LPP: variants seen among roughly 807,000 people sequenced by gnomAD.
LPP encodes lipoma-preferred partner.
LPP carries 38 observed loss-of-function variants against 60.4 expected under a neutral mutation model. The observed-to-expected ratio is 0.63, with a 90% confidence interval of 0.49 to 0.83. The LOEUF (loss-of-function observed/expected upper bound fraction) is 0.83, where lower values mean the gene tolerates loss of function less well. LPP is among the 40% of genes least tolerant of loss of function. The probability of loss-of-function intolerance (pLI) is 0.00; values close to 1 mark genes in which losing one functional copy is unlikely to be tolerated. For missense variants in LPP, 902 were observed against 783.6 expected, an observed-to-expected ratio of 1.15 and a Z score of -1.80; for synonymous variants, 328 against 290.8, an observed-to-expected ratio of 1.13 and a Z score of -1.30.
chr3:188,863,480 TC>T (rs1296407572), intron 9 of LPP, among the ~76,000 whole-genome samples: 1 of 152,138 alleles, frequency 6.6e-6, no homozygotes, highest in African/African-American at 2.4e-5. Flanking sequence ...GTCTGCCTGC[TC>T]ACCTGTGGAA....
chr3:188,269,110 T>G (rs970019323), intron 2 of LPP, among the ~76,000 whole-genome samples: 3 of 152,222 alleles, frequency 2.0e-5, no homozygotes, highest in Non-Finnish European at 2.9e-5. Context: ...ATAACAAAGC[T>G]GGTTTGTGGG....
chr3:188,462,542 CTTTATATATATATATATATATATA>C (rs1326332097), intron 4 of LPP, among the ~76,000 whole-genome samples: 14 of 64,286 alleles, frequency 2.2e-4, no homozygotes, highest in African/African-American at 7.2e-4. Context: ...TTTATATGAG[CTTTATATATATATATATATATATA>C]TATATATATA....
chr3:188,193,699 G>A (rs149086854), intron 1 of LPP, among the ~76,000 whole-genome samples: 57 of 152,262 alleles, frequency 3.7e-4, no homozygotes, highest in African/African-American at 1.2e-3. Flanking sequence ...TAAGAACTTC[G>A]CTGGCTATGG....
chr3:188,197,822 G>A (rs754117816), intron 1 of LPP, among the ~76,000 whole-genome samples: 17 of 152,274 alleles, frequency 1.1e-4, no homozygotes, highest in African/African-American at 3.4e-4. Context: ...GTGCAACCCC[G>A]TTATGTCTGG....
At chr3:188,582,137 T>G (rs929614758) in intron 6 of LPP, among the ~76,000 whole-genome samples, 29 of 149,228 alleles carry the variant, frequency 1.9e-4, no homozygotes, top group African/African-American at 6.7e-4. Flanking sequence ...TGAATGTCGT[T>G]TTACCTTTTT....
At chr3:188,513,222 A>G (rs1247044483) in intron 5 of LPP, among the ~76,000 whole-genome samples, 1 of 152,222 alleles carries the variant, frequency 6.6e-6, no homozygotes, top group Non-Finnish European at 1.5e-5. Flanking sequence ...AGTTCAGAAA[A>G]GACAGTTCAT....
intron 9 of LPP, among the ~76,000 whole-genome samples, chr3:188,855,252 T>C (rs1299823853): frequency 6.6e-6 from 1 of 152,246 alleles, no homozygotes; most frequent in East Asian, 1.9e-4. Flanking sequence ...CCTTAGATTT[T>C]AGGTTATTTA....
intron 6 of LPP, among the ~76,000 whole-genome samples, chr3:188,581,795 C>T (rs1836223413): frequency 6.6e-6 from 1 of 152,188 alleles, no homozygotes; most frequent in African/African-American, 2.4e-5. Context: ...CACTCTCTCT[C>T]ATTCAGGTAA....
chr3:188,640,079 T>A (rs1849738415), intron 7 of LPP, among the ~76,000 whole-genome samples: 1 of 151,702 alleles, frequency 6.6e-6, no homozygotes. Context: ...GTATGTTTAT[T>A]GCAGCATTAT....
chr3:188,326,834 T>A (rs2150448562), intron 2 of LPP, among the ~76,000 whole-genome samples: 1 of 152,310 alleles, frequency 6.6e-6, no homozygotes, highest in Middle Eastern at 3.4e-3. Flanking sequence ...ATTCTATTCT[T>A]AGTATTGTGA....
chr3:188,713,113 G>A (rs748339298), intron 8 of LPP, among the ~76,000 whole-genome samples: 13 of 152,162 alleles, frequency 8.5e-5, no homozygotes, highest in Non-Finnish European at 1.8e-4. Flanking sequence ...CTTAAACCAA[G>A]TAATGAAATT....
At chr3:188,465,531 T>C (rs1343853739) in intron 4 of LPP, among the ~76,000 whole-genome samples, 2 of 152,198 alleles carry the variant, frequency 1.3e-5, no homozygotes, top group African/African-American at 4.8e-5. Flanking sequence ...TTCCAAAGAA[T>C]GTGTGTGTCG....
intron 5 of LPP, among the ~76,000 whole-genome samples, chr3:188,522,784 A>AATATATATATATATATATAT (rs61033243): frequency 1.4e-4 from 18 of 125,302 alleles, no homozygotes; most frequent in East Asian, 6.9e-4. Context: ...GATAATATGA[A>AATATATATATATATATATAT]ATATATATAT....
At chr3:188,595,503 C>T (rs1206094146) in intron 6 of LPP, among the ~76,000 whole-genome samples, 3 of 152,134 alleles carry the variant, frequency 2.0e-5, no homozygotes, top group African/African-American at 7.2e-5. Context: ...AGCTTGGTCA[C>T]CTTGTACCAT....
intron 3 of LPP, among the ~76,000 whole-genome samples, chr3:188,357,067 G>A (rs779961317): frequency 5.3e-5 from 8 of 151,980 alleles, no homozygotes; most frequent in Admixed American, 1.3e-4. Context: ...GGTTCTCTTC[G>A]CATGGCCTAT....
At chr3:188,334,368 T>C (rs973191366) in intron 2 of LPP, among the ~76,000 whole-genome samples, 4 of 152,030 alleles carry the variant, frequency 2.6e-5, no homozygotes, top group African/African-American at 9.7e-5. Flanking sequence ...TTTTTTTTTT[T>C]TCCTTTGGAT....
At chr3:188,185,976 A>G (rs1046570926) in intron 1 of LPP, among the ~76,000 whole-genome samples, 2 of 152,226 alleles carry the variant, frequency 1.3e-5, no homozygotes, top group African/African-American at 4.8e-5. Flanking sequence ...CCCTGGCTTT[A>G]GAAACCTGAG....
At chr3:188,240,572 C>T (rs1724046169) in intron 2 of LPP, among the ~76,000 whole-genome samples, 1 of 152,130 alleles carries the variant, frequency 6.6e-6, no homozygotes, top group African/African-American at 2.4e-5. Context: ...TATTCAAACT[C>T]ATTCCACTGT....
intron 6 of LPP, among the ~76,000 whole-genome samples, chr3:188,530,116 A>G (rs1392876232): frequency 6.6e-6 from 1 of 152,010 alleles, no homozygotes; most frequent in Non-Finnish European, 1.5e-5. Flanking sequence ...AAGTTTGTCT[A>G]ATGGGGTATG....
Sources: allele counts gnomAD v4.1 joint callset (sites outside exome capture counted in the v4.1 genomes callset), GRCh38; gene constraint gnomAD v4.1.1; transcripts MANE v1.5; gene names NCBI Gene and HGNC (gene_info 2026-07-23, HGNC 2026-07-21).